The following SGCD variants were observed in gnomAD, a reference collection of about 807,000 sequenced individuals.
The protein encoded by SGCD is delta-sarcoglycan.
A neutral mutation model predicts 36.6 loss-of-function variants in SGCD; 18 were observed. That is an observed-to-expected ratio of 0.49 (90% CI 0.34 to 0.73). The LOEUF (loss-of-function observed/expected upper bound fraction) is 0.73, where lower values mean the gene tolerates loss of function less well. Ranked by LOEUF, SGCD falls within the 30% of genes least tolerant of loss-of-function variation. The pLI is 0.01. For missense variants in SGCD, 387 were observed against 346.7 expected (o/e 1.12, Z -0.92); for synonymous variants, 133 against 130.6 (o/e 1.02, Z -0.12).
rs191894023 is a variant in SGCD at position 156,390,847 on chromosome 5, A to G, written c.192+46170A>G. On this transcript the variant is annotated intron_variant, in intron 3 of 8. Transcript: ENST00000337851. ...TGTATGATGCATTTGTGCTTAAGCC[A>G]AGTTTTATTACAAAAGAGTCAAAAT... Among the ~76,000 whole-genome samples, 184 of 152,356 alleles carry G rather than the reference A, an allele frequency of 1.2e-3. 1 individual carries two copies. The highest frequency in any genetic ancestry group is 4.3e-3 in the African/African-American group (179 of 41,590).
chr5:156,258,503 G>A (rs1459061545), intron 3 of SGCD, among the ~76,000 whole-genome samples: 1 of 152,106 alleles, frequency 6.6e-6, no homozygotes, highest in African/African-American at 2.4e-5. Context: ...TGCTAATTGG[G>A]TGTTGGTTTA....
At chr5:156,449,852 C>CAAA (rs10548772) in intron 3 of SGCD, among the ~76,000 whole-genome samples, 8 of 67,814 alleles carry the variant, frequency 1.2e-4, no homozygotes, top group African/African-American at 2.6e-4. Context: ...AACTCCATCT[C>CAAA]AAAAAAAAAA....
rs5872445 is a variant in SGCD at position 155,996,015 on chromosome 5, CAA to C, written c.-281-121851_-281-121850del. On this transcript the variant is annotated intron_variant, in intron 1 of 9. Coordinates refer to the SGCD transcript ENST00000517913. ...AAAAAAAAAAAAAAAAAAGAACTTACAAAAAAAAAAAAACCTGTGTGTAGGTG... is the reference window on the plus strand; with the variant it reads ...AAAAAAAAAAAAAAAAAAGAACTTACAAAAAAAAAAACCTGTGTGTAGGTG... 1.7e-4 allele frequency among the ~76,000 whole-genome samples: 18 copies of C among 108,872 alleles called. No individual in the cohort carries two copies. The East Asian group carries it at 2.6e-3, about 16-fold the overall frequency. The allele number at this position is 108,872 out of a possible 152,430, so 71.4% of individuals were successfully genotyped here.
intron 6 of SGCD, among the ~76,000 whole-genome samples, chr5:156,615,447 A>T (rs557745091): frequency 3.3e-5 from 5 of 152,234 alleles, no homozygotes; most frequent in Non-Finnish European, 4.4e-5. Context: ...TTAGCATAAG[A>T]CTTATAGAAA....
intron 1 of SGCD, among the ~76,000 whole-genome samples, chr5:155,912,853 A>T (rs1265854323): frequency 6.6e-6 from 1 of 151,708 alleles, no homozygotes; most frequent in African/African-American, 2.4e-5. Flanking sequence ...CTTCTTAATT[A>T]CTTTTCTTTC....
At chr5:156,435,096 A>C (rs1753188206) in intron 3 of SGCD, among the ~76,000 whole-genome samples, 1 of 152,236 alleles carries the variant, frequency 6.6e-6, no homozygotes, top group African/African-American at 2.4e-5. Flanking sequence ...TTTTATCCCC[A>C]GAGGATTAAT....
rs10056292 is a variant in SGCD, at chr5:156,318,996, T to C, written c.-43-10538T>C. 4.7e-3 allele frequency among the ~76,000 whole-genome samples: 709 copies of C among 152,362 alleles called. 3 individuals carry two copies. The highest frequency in any genetic ancestry group is 0.016 in the African/African-American group (673 of 41,586). On this transcript the variant is annotated intron_variant, in intron 3 of 9. Transcript: ENST00000517913. ...ATCAAGTAGCCAATCTGTCTCTTTA[T>C]GCTTTTTATTTCTGTTTTTGTCAAT...
At chr5:156,446,581 C>A (rs1037111008) in intron 3 of SGCD, among the ~76,000 whole-genome samples, 4 of 152,060 alleles carry the variant, frequency 2.6e-5, no homozygotes, top group Non-Finnish European at 5.9e-5. Context: ...GGTTTACTTC[C>A]CTAATTAAAT....
chr5:155,789,203 T>G, the SGCD span, among the ~76,000 whole-genome samples: 3 of 152,146 alleles, frequency 2.0e-5, no homozygotes, highest in African/African-American at 7.2e-5. Context: ...CTTAATGTTC[T>G]TTTCTCTTTT....
intron 1 of SGCD, among the ~76,000 whole-genome samples, chr5:155,940,623 G>A (rs10475595): frequency 0.26 from 39,732 of 151,944 alleles, 5,766 homozygotes; most frequent in Admixed American, 0.43. Context: ...AGGTGGGTGG[G>A]TCACAAGTCA....
chr5:156,416,009 A>G (rs1218621359), intron 3 of SGCD, among the ~76,000 whole-genome samples: 4 of 152,236 alleles, frequency 2.6e-5, no homozygotes, highest in Non-Finnish European at 5.9e-5. Context: ...CTCTTAGAGC[A>G]ATTACAGTTA....
At chr5:155,992,845 G>A (rs1758461206) in intron 1 of SGCD, among the ~76,000 whole-genome samples, 1 of 152,090 alleles carries the variant, frequency 6.6e-6, no homozygotes, top group Non-Finnish European at 1.5e-5. Context: ...ATGTATTTCT[G>A]ATGCTTTGAC....
At chr5:156,110,700 C>G (rs1761762608) in intron 1 of SGCD, among the ~76,000 whole-genome samples, 1 of 151,326 alleles carries the variant, frequency 6.6e-6, no homozygotes, top group South Asian at 2.1e-4. Flanking sequence ...GATAACTTTT[C>G]AAATTAATAT....
At chr5:156,306,578 GCA>G (rs111703244) in intron 3 of SGCD, among the ~76,000 whole-genome samples, 7 of 152,298 alleles carry the variant, frequency 4.6e-5, no homozygotes, top group African/African-American at 1.7e-4. Flanking sequence ...TCTCCCCCAA[GCA>G]CACAGATTTT....
At chr5:156,100,584 AG>A (rs1292040129) in intron 1 of SGCD, among the ~76,000 whole-genome samples, 2 of 152,232 alleles carry the variant, frequency 1.3e-5, no homozygotes, top group African/African-American at 4.8e-5. Context: ...CAAATTACTC[AG>A]CATCACTTTT....
At chr5:155,950,097 G>A (rs1026479591) in intron 1 of SGCD, among the ~76,000 whole-genome samples, 5 of 152,158 alleles carry the variant, frequency 3.3e-5, no homozygotes, top group African/African-American at 1.2e-4. Context: ...TTTGCAAAAA[G>A]AGAATCTATT....
At chr5:156,099,236 A>G (rs367753062) in intron 1 of SGCD, among the ~76,000 whole-genome samples, 1 of 152,086 alleles carries the variant, frequency 6.6e-6, no homozygotes, top group African/African-American at 2.4e-5. Context: ...TCTGGAGTTA[A>G]TGGTTGTGCT....
At chr5:156,147,102 C>CATGTG (rs1386442728) in intron 3 of SGCD, among the ~76,000 whole-genome samples, 1 of 152,076 alleles carries the variant, frequency 6.6e-6, no homozygotes, top group Non-Finnish European at 1.5e-5. Context: ...AAAGGAACAA[C>CATGTG]GTAATGTCCA....
At chr5:156,720,417 G>C (rs1755440272) in intron 7 of SGCD, among the ~76,000 whole-genome samples, 1 of 152,162 alleles carries the variant, frequency 6.6e-6, no homozygotes, top group Non-Finnish European at 1.5e-5. Context: ...GTATATATTT[G>C]GGGAAATGTG....
Sources: allele counts gnomAD v4.1 joint callset (sites outside exome capture counted in the v4.1 genomes callset), GRCh38; gene constraint gnomAD v4.1.1; transcripts MANE v1.5; gene names NCBI Gene and HGNC (gene_info 2026-07-23, HGNC 2026-07-21).